Variants in ASIC2 observed in about 807,000 individuals in gnomAD.
ASIC2 encodes the protein acid-sensing ion channel 2.
Under a neutral mutation model 57.3 loss-of-function variants are expected in ASIC2, and 25 were observed. The ratio of observed to expected loss-of-function variants is 0.44; its 90% confidence interval spans 0.32 to 0.61. ASIC2 has a LOEUF of 0.61. Ranked by LOEUF, ASIC2 falls within the 20% of genes least tolerant of loss-of-function variation. The pLI is 0.06. For missense variants in ASIC2, 641 were observed against 738.1 expected, an observed-to-expected ratio of 0.87 and a Z score of 1.52; for synonymous variants, 319 against 307.5, an observed-to-expected ratio of 1.04 and a Z score of -0.39.
intron 1 of ASIC2, among the ~76,000 whole-genome samples, chr17:33,510,283 AT>A: frequency 6.6e-6 from 1 of 152,250 alleles, no homozygotes; most frequent in Admixed American, 6.5e-5. Flanking sequence ...ATTATTACCC[AT>A]TTTTTTAAAG....
chr17:33,363,656 A>C (rs1908696666), intron 1 of ASIC2, among the ~76,000 whole-genome samples: 1 of 152,178 alleles, frequency 6.6e-6, no homozygotes, highest in African/African-American at 2.4e-5. Flanking sequence ...GTCCCCATTC[A>C]CAGGTCAGTT....
chr17:33,694,609 G>T (rs911524612), intron 1 of ASIC2, among the ~76,000 whole-genome samples: 1 of 152,056 alleles, frequency 6.6e-6, no homozygotes, highest in Non-Finnish European at 1.5e-5. Context: ...GAGATCTGGG[G>T]GTTATAAGTG....
intron 1 of ASIC2, among the ~76,000 whole-genome samples, chr17:33,694,878 T>C (rs1908479960): frequency 6.6e-6 from 1 of 152,152 alleles, no homozygotes; most frequent in Non-Finnish European, 1.5e-5. Context: ...GTGTCTTCTC[T>C]TCTCCTGTCC....
chr17:33,019,116 T>C (rs1030693144), intron 7 of ASIC2, among the ~76,000 whole-genome samples: 1 of 152,104 alleles, frequency 6.6e-6, no homozygotes, highest in Non-Finnish European at 1.5e-5. Context: ...CTAATGGATA[T>C]GTATGTCGGG....
chr17:33,062,123 CA>C (rs2092023272), intron 3 of ASIC2, among the ~76,000 whole-genome samples: 2 of 152,198 alleles, frequency 1.3e-5, no homozygotes, highest in South Asian at 4.1e-4. Flanking sequence ...CTCCTGGATT[CA>C]CTGATTTTTT....
chr17:34,039,695 G>A, intron 1 of ASIC2: 2 of 1,612,112 alleles, frequency 1.2e-6, no homozygotes, highest in Non-Finnish European at 1.7e-6. Flanking sequence ...CGATTTCGCT[G>A]GTCATTCTGC....
intron 1 of ASIC2, among the ~76,000 whole-genome samples, chr17:33,619,839 T>A (rs1905724639): frequency 6.6e-6 from 1 of 151,256 alleles, no homozygotes; most frequent in Admixed American, 6.6e-5. Context: ...CAGATATTAT[T>A]TGAAAAAAAA....
chr17:33,795,435 C>T (rs1345213297), intron 1 of ASIC2, among the ~76,000 whole-genome samples: 2 of 152,254 alleles, frequency 1.3e-5, no homozygotes, highest in Non-Finnish European at 2.9e-5. Flanking sequence ...AGCCCTTGTT[C>T]CTGAGAGCAT....
chr17:34,078,995 G>A (rs1408402982), intron 1 of ASIC2: 4 of 152,246 alleles, frequency 2.6e-5, no homozygotes, highest in African/African-American at 4.8e-5. Flanking sequence ...AGTGACGCAA[G>A]GGAGTTATGA....
At chr17:33,023,738 G>T (rs1027159766) in intron 6 of ASIC2, 123 bp downstream of exon 6, 11 of 1,282,826 alleles carry the variant, frequency 8.6e-6, no homozygotes, top group Admixed American at 2.0e-5. Flanking sequence ...CACACAGAGG[G>T]TGTTCAACTA....
At chr17:33,814,023 G>T (rs1275623252) in intron 1 of ASIC2, among the ~76,000 whole-genome samples, 1 of 152,078 alleles carries the variant, frequency 6.6e-6, no homozygotes, top group Non-Finnish European at 1.5e-5. Context: ...AGGTGGGTAG[G>T]TTCACAGAGC....
At chr17:33,613,569 G>C (rs67032529) in intron 1 of ASIC2, among the ~76,000 whole-genome samples, 1 of 151,748 alleles carries the variant, frequency 6.6e-6, no homozygotes, top group South Asian at 2.1e-4. Flanking sequence ...GGTTTTCACC[G>C]TGTTAGCCAG....
chr17:34,095,629 AATTT>A (rs1380197071), intron 1 of ASIC2, among the ~76,000 whole-genome samples: 23 of 80,758 alleles, frequency 2.8e-4, no homozygotes, highest in African/African-American at 1.6e-3. Flanking sequence ...ATATATATAT[AATTT>A]TATATATATA....
intron 1 of ASIC2, among the ~76,000 whole-genome samples, chr17:33,860,772 T>A (rs1247937562): frequency 6.6e-6 from 1 of 152,232 alleles, no homozygotes; most frequent in Non-Finnish European, 1.5e-5. Flanking sequence ...TTAAATAGTC[T>A]ATCAGTCATG....
At chr17:33,487,196 A>G (rs1402231705) in intron 1 of ASIC2, among the ~76,000 whole-genome samples, 1 of 152,194 alleles carries the variant, frequency 6.6e-6, no homozygotes, top group Non-Finnish European at 1.5e-5. Flanking sequence ...TAGAACCTGC[A>G]ATGGTTCCCT....
At chr17:33,433,222 TA>T (rs1388559966) in intron 1 of ASIC2, among the ~76,000 whole-genome samples, 1 of 152,030 alleles carries the variant, frequency 6.6e-6, no homozygotes, top group East Asian at 1.9e-4. Context: ...ATGTAGCCAT[TA>T]AAAAAATGAG....
At chr17:33,622,545 T>C (rs1905835024) in intron 1 of ASIC2, among the ~76,000 whole-genome samples, 1 of 152,182 alleles carries the variant, frequency 6.6e-6, no homozygotes, top group Admixed American at 6.5e-5. Flanking sequence ...TGGGTTTTGC[T>C]GTCAGACAGT....
At chr17:33,364,203 C>A (rs1226918209) in intron 1 of ASIC2, among the ~76,000 whole-genome samples, 1 of 152,154 alleles carries the variant, frequency 6.6e-6, no homozygotes, top group Non-Finnish European at 1.5e-5. Context: ...TACTTAGAGG[C>A]AAGTTACCAT....
chr17:33,233,885 T>C (rs1021249832), intron 1 of ASIC2, among the ~76,000 whole-genome samples: 1 of 152,242 alleles, frequency 6.6e-6, no homozygotes, highest in Non-Finnish European at 1.5e-5. Flanking sequence ...GCTTACCAAG[T>C]GCTGCTTCTG....
Sources: gnomAD v4.1 joint callset for allele counts (sites outside exome capture counted in the v4.1 genomes callset) on GRCh38, gnomAD v4.1.1 for gene constraint, MANE v1.5 for transcripts, NCBI Gene and HGNC (gene_info 2026-07-23, HGNC 2026-07-21) for gene names.